The following MED12L variants were observed in gnomAD, a reference collection of about 807,000 sequenced individuals.
MED12L encodes the protein mediator of RNA polymerase II transcription subunit 12-like protein.
A neutral mutation model predicts 281.3 loss-of-function variants in MED12L; 60 were observed. The observed-to-expected ratio is 0.21, with a 90% CI of 0.17 to 0.26. MED12L has a LOEUF of 0.26. Ranked by LOEUF, MED12L falls within the 10% of genes least tolerant of loss-of-function variation. MED12L has a pLI of 1.00. For missense variants in MED12L, 2,146 were observed against 2,680.9 expected, an observed-to-expected ratio of 0.80 and a Z score of 4.41; for synonymous variants, 974 against 987.2, an observed-to-expected ratio of 0.99 and a Z score of 0.25.
At chr3:151,298,079 G>A (rs1210347982) in intron 16 of MED12L, among the ~76,000 whole-genome samples, 1 of 152,194 alleles carries the variant, frequency 6.6e-6, no homozygotes, top group Non-Finnish European at 1.5e-5. Context: ...TTAACTTTGA[G>A]AGTTTCGTGT....
chr3:151,332,743 T>G (rs1346939016), intron 16 of MED12L, among the ~76,000 whole-genome samples: 1 of 152,200 alleles, frequency 6.6e-6, no homozygotes, highest in Non-Finnish European at 1.5e-5. Flanking sequence ...ACGTGATTTT[T>G]TTTTTAACTT....
intron 16 of MED12L, among the ~76,000 whole-genome samples, chr3:151,256,806 ATCCAG>A (rs998064938): frequency 1.4e-5 from 2 of 142,474 alleles, no homozygotes; most frequent in African/African-American, 5.1e-5. Flanking sequence ...CTGGTTATTA[ATCCAG>A]TCTGTTTTTT....
intron 16 of MED12L, among the ~76,000 whole-genome samples, chr3:151,339,647 A>G (rs546399448): frequency 6.6e-6 from 1 of 152,126 alleles, no homozygotes; most frequent in Non-Finnish European, 1.5e-5. Flanking sequence ...AACAGTAAAA[A>G]AAAAAATAAG....
At chr3:151,228,816 G>A (rs1474052240) in intron 16 of MED12L, among the ~76,000 whole-genome samples, 1 of 152,172 alleles carries the variant, frequency 6.6e-6, no homozygotes, top group Non-Finnish European at 1.5e-5. Flanking sequence ...TGAGCTGCCT[G>A]AATTACTGAA....
chr3:151,115,915 G>A (rs959388041), intron 2 of MED12L, among the ~76,000 whole-genome samples: 5 of 151,280 alleles, frequency 3.3e-5, no homozygotes, highest in Non-Finnish European at 7.4e-5. Context: ...AAAATTAGCC[G>A]GGCATCGTGG....
In MED12L at chr3:151,385,204, G is replaced by T; in HGVS notation, c.5088+13G>T. ...AGATAAAAAACAGGCAAGAGTGAATGTTTTTTCTTATATATAAATTTATTT... is the reference window on the plus strand; with the variant it reads ...AGATAAAAAACAGGCAAGAGTGAATTTTTTTTCTTATATATAAATTTATTT... On this transcript the variant is annotated intron_variant, in intron 36 of 44. Coordinates refer to ENST00000687756, the MANE Select transcript of MED12L (RefSeq NM_001393769.1). 2 of 1,202,586 alleles carry T rather than the reference G, an allele frequency of 1.7e-6. No homozygotes were observed. Among genetic ancestry groups the T allele is most frequent in the African/African-American group, 1.6e-5 (1 of 63,930 alleles). 74.5% of individuals were successfully genotyped at this position (1,202,586 alleles called of 1,614,324 possible). A position where few individuals can be genotyped will look rare whatever the true frequency, so the allele number is the denominator to read the frequency against.
At chr3:151,306,135 G>A (rs1746608254) in intron 16 of MED12L, among the ~76,000 whole-genome samples, 1 of 152,160 alleles carries the variant, frequency 6.6e-6, no homozygotes, top group South Asian at 2.1e-4. Context: ...AACCTCTATA[G>A]ATCCCCAATT....
chr3:151,196,363 G>GTT, intron 16 of MED12L, among the ~76,000 whole-genome samples: 1 of 151,840 alleles, frequency 6.6e-6, no homozygotes, highest in East Asian at 1.9e-4. Context: ...GCTACTGTCT[G>GTT]TTTTTTTTCC....
intron 4 of MED12L, among the ~76,000 whole-genome samples, chr3:151,125,582 G>C (rs1219165432): frequency 6.6e-6 from 1 of 152,188 alleles, no homozygotes; most frequent in East Asian, 1.9e-4. Context: ...GCCTTGACCT[G>C]TATAACCTTT....
At chr3:151,119,330 G>C (rs1713382170) in intron 3 of MED12L, among the ~76,000 whole-genome samples, 1 of 152,192 alleles carries the variant, frequency 6.6e-6, no homozygotes, top group Non-Finnish European at 1.5e-5. Flanking sequence ...TTAAACAACA[G>C]AAATTTATTT....
chr3:151,389,858 TA>T, intron 37 of MED12L, 120 bp from the exon 38 acceptor site: 2 of 915,910 alleles, frequency 2.2e-6, no homozygotes, highest in Non-Finnish European at 3.3e-6. Flanking sequence ...TTCTCCTTTA[TA>T]AAAAACAGCT....
intron 16 of MED12L, among the ~76,000 whole-genome samples, chr3:151,240,518 G>A (rs540190084): frequency 1.4e-4 from 22 of 152,324 alleles, no homozygotes; most frequent in African/African-American, 4.1e-4. Flanking sequence ...TTAATAGGAA[G>A]TGGGACAGAA....
At chr3:151,210,289 T>C (rs1466946951) in intron 16 of MED12L, among the ~76,000 whole-genome samples, 1 of 152,198 alleles carries the variant, frequency 6.6e-6, no homozygotes, top group African/African-American at 2.4e-5. Context: ...CTGCATATGA[T>C]AGCTGCATGG....
chr3:151,258,950 T>C (rs2090791002), intron 16 of MED12L, among the ~76,000 whole-genome samples: 1 of 152,144 alleles, frequency 6.6e-6, no homozygotes, highest in South Asian at 2.1e-4. Context: ...TGTTAGCCTC[T>C]GCAGGCTTCG....
intron 37 of MED12L, among the ~76,000 whole-genome samples, chr3:151,389,495 G>C (rs1175024518): frequency 6.6e-6 from 1 of 152,178 alleles, no homozygotes. Flanking sequence ...GGGATGAGGG[G>C]AGTGTCTACT....
intron 5 of MED12L, among the ~76,000 whole-genome samples, chr3:151,129,028 G>A (rs1714951445): frequency 6.6e-6 from 1 of 152,190 alleles, no homozygotes; most frequent in Non-Finnish European, 1.5e-5. Flanking sequence ...AACCAGAAAT[G>A]TACATAAAGA....
intron 16 of MED12L, among the ~76,000 whole-genome samples, chr3:151,296,299 T>C (rs948531814): frequency 6.6e-6 from 1 of 152,178 alleles, no homozygotes. Context: ...TCATGAGCAT[T>C]TGACTTATGT....
intron 43 of MED12L, among the ~76,000 whole-genome samples, chr3:151,417,401 A>G (rs542196423): frequency 6.6e-5 from 10 of 151,684 alleles, no homozygotes; most frequent in African/African-American, 2.4e-4. Context: ...TGACCAGAAC[A>G]TGGTCAACTG....
At chr3:151,256,873 T>G (rs1487502080) in intron 16 of MED12L, among the ~76,000 whole-genome samples, 1 of 151,840 alleles carries the variant, frequency 6.6e-6, no homozygotes, top group African/African-American at 2.4e-5. Context: ...GTTTTTTTTT[T>G]TAAATGGGTC....
Sources: allele counts gnomAD v4.1 joint callset (sites outside exome capture counted in the v4.1 genomes callset), GRCh38; gene constraint gnomAD v4.1.1; transcripts MANE v1.5; gene names NCBI Gene and HGNC (gene_info 2026-07-23, HGNC 2026-07-21).